Variants in COG7 observed in about 807,000 individuals in gnomAD.
COG7 encodes component of oligomeric golgi complex 7.
Under a neutral mutation model 91.5 loss-of-function variants are expected in COG7, and 49 were observed. The observed-to-expected ratio is 0.54, with a 90% CI of 0.43 to 0.68. The LOEUF is 0.68. COG7 is among the 30% of genes least tolerant of loss of function. The pLI, the probability that COG7 is intolerant of heterozygous loss-of-function variation, is 0.00. For missense variants in COG7, 895 were observed against 961.3 expected (o/e 0.93, Z 0.91); for synonymous variants, 365 against 388.7 (o/e 0.94, Z 0.72).
At chr16:23,402,305 G>A (rs1330110699) in intron 13 of COG7, among the ~76,000 whole-genome samples, 1 of 151,616 alleles carries the variant, frequency 6.6e-6, no homozygotes, top group Non-Finnish European at 1.5e-5. Context: ...TGCTGACGCT[G>A]ATTATTTCTC....
At chr16:23,432,355 G>T (rs1219921635) in intron 6 of COG7, among the ~76,000 whole-genome samples, 1 of 151,960 alleles carries the variant, frequency 6.6e-6, no homozygotes, top group African/African-American at 2.4e-5. Context: ...ATAAAATATG[G>T]GGAACGTGAC....
intron 11 of COG7, among the ~76,000 whole-genome samples, chr16:23,407,920 C>T (rs2142068284): frequency 6.6e-6 from 1 of 151,420 alleles, no homozygotes; most frequent in East Asian, 2.0e-4. Flanking sequence ...TCTGTGCACA[C>T]TGCGTTCTCT....
intron 2 of COG7, 79 bp downstream of exon 2, chr16:23,445,734 C>A: frequency 7.0e-7 from 1 of 1,438,808 alleles, no homozygotes; most frequent in South Asian, 1.1e-5. Context: ...CCGTGCTGTT[C>A]TAAAGCCCTT....
rs1964293452 is a variant in COG7, at chr16:23,453,056, A to G, written c.-62T>C. 1.9e-6 allele frequency: 3 copies of G among 1,607,772 alleles called. No individual in the cohort carries two copies. The highest frequency in any genetic ancestry group is 8.5e-7 in the Non-Finnish European group (1 of 1,176,468). Reference sequence around the variant, plus strand: ...GAGTTGGCTCCGGGCGGCAACGGGGATGCAGAAGCGAGCGAGCCTGCGAGA... The same window carrying G: ...GAGTTGGCTCCGGGCGGCAACGGGGGTGCAGAAGCGAGCGAGCCTGCGAGA... On this transcript the variant is annotated 5_prime_UTR_variant, in exon 1 of 17. Transcript: ENST00000307149.
At chr16:23,429,919 T>C (rs1182479272) in intron 6 of COG7, among the ~76,000 whole-genome samples, 20 of 152,148 alleles carry the variant, frequency 1.3e-4, no homozygotes, top group Non-Finnish European at 1.5e-5. Flanking sequence ...TCTGATTCCA[T>C]CTAGGTGAAA....
chr16:23,410,991 G>C (rs1037583561), intron 10 of COG7, among the ~76,000 whole-genome samples: 4 of 152,160 alleles, frequency 2.6e-5, no homozygotes, highest in Non-Finnish European at 4.4e-5. Context: ...ATAGGAGTGA[G>C]CCACCACATC....
chr16:23,396,452 G>A (rs1306885137), intron 14 of COG7, among the ~76,000 whole-genome samples: 1 of 152,160 alleles, frequency 6.6e-6, no homozygotes, highest in Non-Finnish European at 1.5e-5. Flanking sequence ...GCCAAGGTGG[G>A]CAGATCACTT....
intron 4 of COG7, among the ~76,000 whole-genome samples, chr16:23,437,777 T>C (rs895105682): frequency 6.6e-6 from 1 of 152,112 alleles, no homozygotes; most frequent in Non-Finnish European, 1.5e-5. Context: ...ACTCAATAAA[T>C]TGGACTACAA....
intron 4 of COG7, among the ~76,000 whole-genome samples, chr16:23,441,138 G>A (rs1242311959): frequency 1.3e-5 from 2 of 152,144 alleles, no homozygotes; most frequent in Non-Finnish European, 2.9e-5. Flanking sequence ...AAGGGCTGAC[G>A]CTGGGTCCTG....
chr16:23,409,766 A>G (rs1157814953), intron 11 of COG7, among the ~76,000 whole-genome samples: 7 of 152,184 alleles, frequency 4.6e-5, no homozygotes, highest in African/African-American at 1.7e-4. Context: ...AGGTATGAGA[A>G]GAGAGGAAGG....
intron 1 of COG7, among the ~76,000 whole-genome samples, chr16:23,448,521 C>T (rs1964216742): frequency 6.6e-6 from 1 of 152,134 alleles, no homozygotes; most frequent in African/African-American, 2.4e-5. Flanking sequence ...TGGTCTGGAA[C>T]TGCTGGTCTG....
At chr16:23,440,607 G>A (rs112395276) in intron 4 of COG7, among the ~76,000 whole-genome samples, 12,726 of 151,482 alleles carry the variant, frequency 0.084, 957 homozygotes, top group African/African-American at 0.2. Context: ...ACAAGCGTGC[G>A]CTACCATGCC....
chr16:23,431,142 T>C (rs1251935758), intron 6 of COG7, among the ~76,000 whole-genome samples: 1 of 152,190 alleles, frequency 6.6e-6, no homozygotes, highest in East Asian at 1.9e-4. Flanking sequence ...CTGTACAACG[T>C]AGGAGGTGGC....
chr16:23,443,124 T>C (rs1964128959), intron 3 of COG7, among the ~76,000 whole-genome samples: 1 of 152,058 alleles, frequency 6.6e-6, no homozygotes, highest in Admixed American at 6.6e-5. Context: ...TGGAAAAGTG[T>C]TTGAAAAATT....
Position 23,416,956 on chromosome 16 carries a change from C to T in COG7, c.1292+11G>A. ...ATGTGGCCCGTCTGGTCCCCAGTTC[C>T]CCAGCCTTACTTGGCAAAGAGGGAT... On this transcript the variant is annotated intron_variant, in intron 9 of 16. Transcript: ENST00000307149. 6.2e-7 allele frequency: 1 copy of T among 1,614,150 alleles called. No individual in the cohort carries two copies. The highest frequency in any genetic ancestry group is 8.5e-7 in the Non-Finnish European group (1 of 1,180,008).
chr16:23,403,789 C>A lies in COG7; in HGVS notation c.1708G>T (p.Ala570Ser), dbSNP rs749901483. The A allele has an allele frequency of 2.5e-6, 4 of 1,614,228 alleles. No homozygotes were observed. Among genetic ancestry groups the A allele is most frequent in the Non-Finnish European group, 3.4e-6 (4 of 1,180,034 alleles). The part of the protein sequence containing the change: ...NHNLLAAPRA[A>S]LTRLNQQAHQ... ...GCCTGCTGGTTAAGCCGAGTCAGCGCTGCTCGAGGTGCAGCCAGCAGGTTG... is the reference window on the plus strand; with the variant it reads ...GCCTGCTGGTTAAGCCGAGTCAGCGATGCTCGAGGTGCAGCCAGCAGGTTG... The change falls in exon 13 of 17, where the codon GCG becomes TCG. Residue 570 changes from alanine (A) to serine (S), a missense_variant. Ala to Ser is a moderately conservative substitution (Grantham distance 99, BLOSUM62 1). Coordinates refer to ENST00000307149, the MANE Select transcript of COG7 (RefSeq NM_153603.4).
chr16:23,452,654 A>G, intron 1 of COG7, 172 bp downstream of exon 1: 1 of 1,417,620 alleles, frequency 7.1e-7, no homozygotes, highest in Non-Finnish European at 9.2e-7. Flanking sequence ...ACAGCCCGGC[A>G]CCCAGCTGAG....
chr16:23,448,052 T>G (rs1443548641), intron 1 of COG7, among the ~76,000 whole-genome samples: 1 of 152,182 alleles, frequency 6.6e-6, no homozygotes, highest in Admixed American at 6.6e-5. Context: ...GTTGACTGAC[T>G]AAATGGAGAA....
At chr16:23,446,056 C>A in intron 1 of COG7, 95 bp from the exon 2 acceptor site, 1 of 1,421,880 alleles carries the variant, frequency 7.0e-7, no homozygotes, top group South Asian at 1.3e-5. Flanking sequence ...GGAAACAAAT[C>A]AGACAACAGA....
Sources: gnomAD v4.1 joint callset for allele counts (sites outside exome capture counted in the v4.1 genomes callset) on GRCh38, gnomAD v4.1.1 for gene constraint, MANE v1.5 for transcripts, NCBI Gene and HGNC (gene_info 2026-07-23, HGNC 2026-07-21) for gene names.